The following FARSB variants were observed in gnomAD, a reference collection of about 807,000 sequenced individuals.
FARSB encodes phenylalanine--tRNA ligase beta subunit.
FARSB carries 40 observed loss-of-function variants against 69.6 expected under a neutral mutation model. That is an observed-to-expected ratio of 0.57 (90% CI 0.45 to 0.75). The LOEUF (loss-of-function observed/expected upper bound fraction) is 0.75. Ranked by LOEUF, FARSB falls within the 30% of genes least tolerant of loss-of-function variation. The pLI, the probability that FARSB is intolerant of heterozygous loss-of-function variation, is 0.00. For missense variants in FARSB, 632 were observed against 722.9 expected, an observed-to-expected ratio of 0.87 and a Z score of 1.44; for synonymous variants, 235 against 247.2, an observed-to-expected ratio of 0.95 and a Z score of 0.46.
At chr2:222,650,158 G>A (rs528489676) in intron 1 of FARSB, among the ~76,000 whole-genome samples, 4 of 152,304 alleles carry the variant, frequency 2.6e-5, no homozygotes, top group South Asian at 2.1e-4. Flanking sequence ...ATTGTGGGGC[G>A]TGAAACAGCA....
At chr2:222,586,088 A>C (rs1194187115) in intron 16 of FARSB, among the ~76,000 whole-genome samples, 2 of 152,180 alleles carry the variant, frequency 1.3e-5, no homozygotes, top group African/African-American at 4.8e-5. Flanking sequence ...GAAATGAAGG[A>C]AAAAAATGTT....
chr2:222,643,474 T>C (rs1691772568), intron 2 of FARSB, among the ~76,000 whole-genome samples: 1 of 152,092 alleles, frequency 6.6e-6, no homozygotes, highest in African/African-American at 2.4e-5. Flanking sequence ...AGTTTTCCCA[T>C]CTCAAGCTAA....
At chr2:222,626,848 A>G (rs1488234263) in intron 10 of FARSB, among the ~76,000 whole-genome samples, 4 of 152,084 alleles carry the variant, frequency 2.6e-5, no homozygotes, top group Admixed American at 6.6e-5. Flanking sequence ...CTTCTCTAAC[A>G]TGGTGAAACC....
At chr2:222,612,797 C>T (rs1690893404) in intron 15 of FARSB, among the ~76,000 whole-genome samples, 1 of 152,182 alleles carries the variant, frequency 6.6e-6, no homozygotes, top group Admixed American at 6.5e-5. Flanking sequence ...TTGAACAAGA[C>T]TGAATTCCTT....
chr2:222,621,217 GATA>G (rs1191560946), intron 13 of FARSB, among the ~76,000 whole-genome samples: 4 of 152,204 alleles, frequency 2.6e-5, no homozygotes, highest in Admixed American at 1.3e-4. Flanking sequence ...CATGGCAATG[GATA>G]ATAAGGGATA....
chr2:222,655,782 C>T (rs1051921463), intron 1 of FARSB, among the ~76,000 whole-genome samples: 3 of 152,224 alleles, frequency 2.0e-5, no homozygotes, highest in Non-Finnish European at 4.4e-5. Context: ...GATGGCAGAT[C>T]GCTGAATGAA....
intron 1 of FARSB, among the ~76,000 whole-genome samples, chr2:222,651,991 GAAT>G (rs1692049219): frequency 6.6e-6 from 1 of 152,186 alleles, no homozygotes; most frequent in African/African-American, 2.4e-5. Flanking sequence ...CTTGATTCCA[GAAT>G]TGCCATGGAC....
chr2:222,655,799 G>A (rs958462651), intron 1 of FARSB, among the ~76,000 whole-genome samples: 1 of 152,258 alleles, frequency 6.6e-6, no homozygotes, highest in Non-Finnish European at 1.5e-5. Flanking sequence ...TGAATGACAC[G>A]GCAAGCCGGG....
chr2:222,581,996 C>T (rs756345356), intron 16 of FARSB, among the ~76,000 whole-genome samples: 26 of 152,170 alleles, frequency 1.7e-4, no homozygotes, highest in Non-Finnish European at 3.1e-4. Flanking sequence ...ACTAGAAATC[C>T]TATGGAGGGG....
intron 1 of FARSB, 41 bp from the exon 2 acceptor site, chr2:222,648,836 C>T: frequency 7.4e-7 from 1 of 1,348,678 alleles, no homozygotes; most frequent in Non-Finnish European, 1.1e-6. Flanking sequence ...TCACTCTGTT[C>T]AGTATAAGTG....
chr2:222,588,694 C>T (rs1255734193), intron 16 of FARSB, among the ~76,000 whole-genome samples: 1 of 152,232 alleles, frequency 6.6e-6, no homozygotes, highest in Non-Finnish European at 1.5e-5. Flanking sequence ...GCAAAAATCA[C>T]AAGCATTCCT....
At chr2:222,634,358 CA>C (rs763120375) in intron 6 of FARSB, 32 bp downstream of exon 6, 1 of 1,448,822 alleles carries the variant, frequency 6.9e-7, no homozygotes, top group Non-Finnish European at 9.2e-7. Flanking sequence ...ATGATTTTTG[CA>C]AAGCTGCTGC....
At chr2:222,655,274 C>G (rs1490265806) in intron 1 of FARSB, among the ~76,000 whole-genome samples, 5 of 152,024 alleles carry the variant, frequency 3.3e-5, no homozygotes, top group African/African-American at 1.2e-4. Context: ...ATATCTCCCT[C>G]CTTTTTTTCA....
intron 3 of FARSB, among the ~76,000 whole-genome samples, chr2:222,642,048 T>C (rs1691733208): frequency 6.6e-6 from 1 of 151,562 alleles, no homozygotes; most frequent in Non-Finnish European, 1.5e-5. Flanking sequence ...CTGCCCAGGC[T>C]GGAGTGCAGT....
chr2:222,573,933 G>A (rs1282408242), intron 16 of FARSB, among the ~76,000 whole-genome samples: 2 of 152,178 alleles, frequency 1.3e-5, no homozygotes, highest in African/African-American at 2.4e-5. Flanking sequence ...GCAATGTTCA[G>A]GATCTTCCCT....
intron 14 of FARSB, among the ~76,000 whole-genome samples, chr2:222,617,530 A>G (rs1338984538): frequency 6.6e-6 from 1 of 152,196 alleles, no homozygotes; most frequent in African/African-American, 2.4e-5. Context: ...CCAAACCTCA[A>G]CATCATGCAA....
intron 2 of FARSB, among the ~76,000 whole-genome samples, chr2:222,646,877 G>A (rs1176440010): frequency 6.6e-6 from 1 of 152,088 alleles, no homozygotes; most frequent in Non-Finnish European, 1.5e-5. Flanking sequence ...CTCCTTCCAC[G>A]GTGCATTGTA....
intron 13 of FARSB, among the ~76,000 whole-genome samples, chr2:222,623,288 C>T (rs1256361199): frequency 6.6e-6 from 1 of 152,092 alleles, no homozygotes; most frequent in Non-Finnish European, 1.5e-5. Context: ...AAGCCTTTAC[C>T]CAGGACGGCA....
intron 2 of FARSB, among the ~76,000 whole-genome samples, chr2:222,644,000 C>T (rs867928789): frequency 2.0e-5 from 3 of 152,250 alleles, no homozygotes; most frequent in South Asian, 2.1e-4. Context: ...GTTAATGTTA[C>T]GCTTTAATTA....
Sources: allele counts gnomAD v4.1 joint callset (sites outside exome capture counted in the v4.1 genomes callset), GRCh38; gene constraint gnomAD v4.1.1; transcripts MANE v1.5; gene names NCBI Gene and HGNC (gene_info 2026-07-23, HGNC 2026-07-21).